Variants in CLDN16 observed in about 807,000 individuals in gnomAD.
CLDN16 encodes claudin-16.
CLDN16 carries 13 observed loss-of-function variants against 24.6 expected under a neutral mutation model. The observed-to-expected ratio is 0.53, with a 90% CI of 0.34 to 0.84. The LOEUF (loss-of-function observed/expected upper bound fraction) is 0.84, where lower values mean the gene tolerates loss of function less well. Ranked by LOEUF, CLDN16 falls within the 40% of genes least tolerant of loss-of-function variation. The probability of loss-of-function intolerance (pLI) is 0.01; values close to 1 mark genes in which losing one functional copy is unlikely to be tolerated. For missense variants in CLDN16, 298 were observed against 292.7 expected, an observed-to-expected ratio of 1.02 and a Z score of -0.13; for synonymous variants, 116 against 106.7, an observed-to-expected ratio of 1.09 and a Z score of -0.54.
At chr3:190,347,194 G>A (rs576604148) in intron 1 of CLDN16, among the ~76,000 whole-genome samples, 2 of 152,288 alleles carry the variant, frequency 1.3e-5, no homozygotes, top group South Asian at 4.1e-4. Flanking sequence ...GATGATGGTG[G>A]CAATGGGGAT....
chr3:190,330,043 CTCCA>C (rs386669507), intron 1 of CLDN16, among the ~76,000 whole-genome samples: 2 of 151,766 alleles, frequency 1.3e-5, no homozygotes, highest in East Asian at 1.9e-4. Context: ...ACCGTCCCCC[CTCCA>C]CCAGCATCAC....
At chr3:190,315,806 C>T in the CLDN16 span, among the ~76,000 whole-genome samples, 1 of 152,122 alleles carries the variant, frequency 6.6e-6, no homozygotes, top group Non-Finnish European at 1.5e-5. Context: ...CAGGTCTGAG[C>T]ACTTAGATCG....
intron 3 of CLDN16, among the ~76,000 whole-genome samples, chr3:190,380,969 G>A (rs931415773): frequency 1.3e-5 from 2 of 151,590 alleles, no homozygotes; most frequent in Non-Finnish European, 2.9e-5. Context: ...AAGTTATTCA[G>A]ATGAACAATG....
At chr3:190,314,815 C>G in the CLDN16 span, among the ~76,000 whole-genome samples, 1 of 152,108 alleles carries the variant, frequency 6.6e-6, no homozygotes, top group Admixed American at 6.5e-5. Context: ...AAGAGACTTC[C>G]TGATTCCCCT....
intron 1 of CLDN16, among the ~76,000 whole-genome samples, chr3:190,368,464 G>A (rs1304778861): frequency 6.6e-6 from 1 of 151,962 alleles, no homozygotes; most frequent in African/African-American, 2.4e-5. Context: ...ATGATCCATA[G>A]AAATGTTTGT....
At chr3:190,324,219 A>C (rs1441601165) in intron 1 of CLDN16, among the ~76,000 whole-genome samples, 1 of 152,182 alleles carries the variant, frequency 6.6e-6, no homozygotes, top group Non-Finnish European at 1.5e-5. Context: ...GCAGTGGCTC[A>C]CGCCTGTAAT....
chr3:190,325,485 T>C (rs1214712873), intron 1 of CLDN16, among the ~76,000 whole-genome samples: 2 of 152,218 alleles, frequency 1.3e-5, no homozygotes, highest in East Asian at 3.8e-4. Context: ...TGGCAAAAAG[T>C]TGTTGCTGTT....
rs61752083 is a variant in CLDN16 at position 190,402,383 on chromosome 3, C to T, written c.161C>T (p.Ala54Val). The change falls in exon 2 of 5, where the codon GCT becomes GTT. Residue 54 changes from alanine (A) to valine (V), a missense_variant. Physicochemically the swap from Ala to Val is moderately conservative, Grantham distance 64. Transcript: ENST00000264734. ...CTCTGGTGGGAATGCGTCACAAATG[C>T]TTTTGATGGGATTCGCACCTGTGAT... ...RGLWWECVTN[A>V]FDGIRTCDEY... 3 of 1,614,048 alleles carry T rather than the reference C, an allele frequency of 1.9e-6. No individual in the cohort carries two copies. Among genetic ancestry groups the T allele is most frequent in the East Asian group, 2.2e-5 (1 of 44,830 alleles).
intron 1 of CLDN16, among the ~76,000 whole-genome samples, chr3:190,401,520 T>C (rs1462619681): frequency 6.6e-6 from 1 of 152,222 alleles, no homozygotes; most frequent in African/African-American, 2.4e-5. Flanking sequence ...CACCTGAAAC[T>C]ATTTTCTGTT....
At chr3:190,374,058 G>T (rs1399696048) in intron 2 of CLDN16, among the ~76,000 whole-genome samples, 1 of 151,762 alleles carries the variant, frequency 6.6e-6, no homozygotes, top group Non-Finnish European at 1.5e-5. Flanking sequence ...AAAAAAAAAT[G>T]AGGAGGAATT....
chr3:190,292,996 T>C, the CLDN16 span, among the ~76,000 whole-genome samples: 21 of 152,372 alleles, frequency 1.4e-4, no homozygotes, highest in African/African-American at 4.8e-4. Context: ...TCTGCATCTT[T>C]ATAGCAGTAC....
At chr3:190,393,282 T>C (rs1317232966) in intron 1 of CLDN16, among the ~76,000 whole-genome samples, 1 of 152,228 alleles carries the variant, frequency 6.6e-6, no homozygotes. Flanking sequence ...CTACTATTTT[T>C]TTCTGCTTAG....
the CLDN16 span, among the ~76,000 whole-genome samples, chr3:190,300,509 T>A: frequency 6.6e-6 from 1 of 152,212 alleles, no homozygotes; most frequent in South Asian, 2.1e-4. Flanking sequence ...GTTTTTTGTA[T>A]GGCCGACAAA....
At chr3:190,342,149 C>A (rs770873854) in intron 1 of CLDN16, among the ~76,000 whole-genome samples, 1 of 152,348 alleles carries the variant, frequency 6.6e-6, no homozygotes, top group Non-Finnish European at 1.5e-5. Flanking sequence ...TCCAAAGTCG[C>A]TTCCACATTT....
rs1282928811 is a variant in CLDN16 at position 190,402,274 on chromosome 3, A to G, written c.115-63A>G. 3.1e-6 allele frequency: 4 copies of G among 1,272,452 alleles called. No homozygotes were observed. The Admixed American group carries it at 5.0e-5, about 16-fold the overall frequency. The allele number at this position is 1,272,452 out of a possible 1,614,324, so 78.8% of individuals were successfully genotyped here. A position where few individuals can be genotyped will look rare whatever the true frequency, so the allele number is the denominator to read the frequency against. The stretch of plus-strand genomic sequence containing the variant: ...ACACAACCACCAACTTCTCTTTTTG[A>G]TCAAGGGGAACTGAACTGTGCCTGC... On this transcript the variant is annotated intron_variant, in intron 1 of 4. Coordinates refer to ENST00000264734, the MANE Select transcript of CLDN16 (RefSeq NM_006580.4).
At chr3:190,331,561 G>A (rs1300360969) in intron 1 of CLDN16, among the ~76,000 whole-genome samples, 1 of 152,104 alleles carries the variant, frequency 6.6e-6, no homozygotes, top group African/African-American at 2.4e-5. Flanking sequence ...ACAATTTCAA[G>A]TAACTACATA....
At chr3:190,327,917 G>T (rs1484302195) in intron 1 of CLDN16, among the ~76,000 whole-genome samples, 1 of 152,240 alleles carries the variant, frequency 6.6e-6, no homozygotes, top group African/African-American at 2.4e-5. Flanking sequence ...TGACTCACAA[G>T]TAGATCTTGT....
chr3:190,354,827 A>G (rs977678319), intron 1 of CLDN16, among the ~76,000 whole-genome samples: 32 of 152,004 alleles, frequency 2.1e-4, no homozygotes, highest in African/African-American at 7.7e-4. Flanking sequence ...CTGAACTTGG[A>G]TGTCCCTGAT....
intron 1 of CLDN16, among the ~76,000 whole-genome samples, chr3:190,335,538 C>T (rs570029803): frequency 6.6e-6 from 1 of 151,838 alleles, no homozygotes; most frequent in South Asian, 2.1e-4. Flanking sequence ...CATGGTGAAA[C>T]CCTGTCTCTA....
Sources: allele counts gnomAD v4.1 joint callset (sites outside exome capture counted in the v4.1 genomes callset), GRCh38; gene constraint gnomAD v4.1.1; transcripts MANE v1.5; gene names NCBI Gene and HGNC (gene_info 2026-07-23, HGNC 2026-07-21).